Variants in PLEKHM1 observed in about 807,000 individuals in gnomAD.
The protein encoded by PLEKHM1 is pleckstrin homology and RUN domain containing M1, also known as pleckstrin homology domain-containing family M member 1.
A neutral mutation model predicts 94.3 loss-of-function variants in PLEKHM1; 28 were observed. The observed-to-expected ratio is 0.30, with a 90% confidence interval of 0.22 to 0.41. The LOEUF (loss-of-function observed/expected upper bound fraction) is 0.41, where lower values mean the gene tolerates loss of function less well. Among genes scored for constraint, PLEKHM1 ranks in the 10% least tolerant of loss-of-function variants. PLEKHM1 has a pLI of 1.00. For synonymous variants in PLEKHM1, 424 were observed against 581.2 expected (o/e 0.73, Z 3.89); for missense variants, 907 against 1,358.6 (o/e 0.67, Z 5.22).
intron 2 of PLEKHM1, among the ~76,000 whole-genome samples, chr17:45,479,222 A>T (rs918063464): frequency 3.9e-5 from 6 of 152,054 alleles, no homozygotes; most frequent in Non-Finnish European, 7.4e-5. Flanking sequence ...AAAAATGCAA[A>T]AATTAGCCAG....
chr17:45,473,715 C>A lies in PLEKHM1; in HGVS notation c.923+1385G>T, dbSNP rs367649597. Among the ~76,000 whole-genome samples the A allele has an allele frequency of 4.1e-4, 62 of 151,732 alleles. No homozygotes were observed. The East Asian group carries it at 7.9e-3, about 19-fold the overall frequency. On this transcript the variant is annotated intron_variant, in intron 4 of 11. Coordinates refer to ENST00000430334, the MANE Select transcript of PLEKHM1 (RefSeq NM_014798.3). ...CTGGGACTTCAGGCGCCCGCCACCA[C>A]GCCCGGCTAATTTTTTGTATTTTTA...
At chr17:45,441,088 T>C (rs932529064) in intron 9 of PLEKHM1, 3 of 152,194 alleles carry the variant, frequency 2.0e-5, no homozygotes, top group African/African-American at 7.2e-5. Flanking sequence ...CCCATCCTGA[T>C]GGGGAGGAAA....
intron 9 of PLEKHM1, 107 bp from the exon 10 acceptor site, chr17:45,440,333 C>G (rs766477714): frequency 2.6e-6 from 3 of 1,148,756 alleles, no homozygotes; most frequent in East Asian, 2.4e-5. Flanking sequence ...AGACACCCCC[C>G]GCCTGGGCGG....
At chr17:45,439,305 G>A (rs1281110003) in intron 11 of PLEKHM1, among the ~76,000 whole-genome samples, 172 bp downstream of exon 11, 3 of 152,344 alleles carry the variant, frequency 2.0e-5, no homozygotes, top group East Asian at 3.9e-4. Flanking sequence ...GGCCATGACT[G>A]CCCAGAGCAT....
chr17:45,475,929 C>G, intron 3 of PLEKHM1: 1 of 650,364 alleles, frequency 1.5e-6, no homozygotes, highest in Middle Eastern at 3.9e-4. Context: ...AGGTGGATCA[C>G]TTGAGCTCAG....
At chr17:45,483,191 G>A (rs1441471840) in intron 1 of PLEKHM1, among the ~76,000 whole-genome samples, 4 of 152,130 alleles carry the variant, frequency 2.6e-5, no homozygotes. Context: ...CCACTAACCA[G>A]GTAGGCATGC....
chr17:45,483,811 C>T (rs564105034), intron 1 of PLEKHM1, among the ~76,000 whole-genome samples: 10 of 152,178 alleles, frequency 6.6e-5, no homozygotes, highest in African/African-American at 2.4e-4. Context: ...GGCTGATAAG[C>T]GGCCTGACTC....
chr17:45,462,508 C>T (rs1597962388), intron 5 of PLEKHM1, among the ~76,000 whole-genome samples: 2 of 152,122 alleles, frequency 1.3e-5, no homozygotes, highest in South Asian at 4.2e-4. Context: ...CATCCATCGC[C>T]TCTGCCTGGA....
In PLEKHM1 at chr17:45,444,017, C is replaced by T. The variant is rs2050526379; in HGVS notation, c.2837+1453G>A. On this transcript the variant is annotated intron_variant, in intron 9 of 11. Coordinates refer to ENST00000430334, the MANE Select transcript of PLEKHM1 (RefSeq NM_014798.3). The surrounding 1 kb of genome is among the most constrained non-coding windows in gnomAD (Gnocchi z 5.0). ...CTGTGGGGCCAAATTCTCCTCTCTGCCTAGGGGAGAGCCCCCTGCAGTACC... is the reference window on the plus strand; with the variant it reads ...CTGTGGGGCCAAATTCTCCTCTCTGTCTAGGGGAGAGCCCCCTGCAGTACC... Among the ~76,000 whole-genome samples, 1 of 152,158 alleles carries T rather than the reference C, an allele frequency of 6.6e-6. No individual in the cohort carries two copies. Among genetic ancestry groups the T allele is most frequent in the Admixed American group, 6.5e-5 (1 of 15,286 alleles).
intron 4 of PLEKHM1, among the ~76,000 whole-genome samples, chr17:45,473,512 C>T (rs1382132243): frequency 1.3e-5 from 2 of 151,962 alleles, no homozygotes; most frequent in Non-Finnish European, 2.9e-5. Flanking sequence ...GTATATACTG[C>T]CTTTGTAGGA....
At position 45,436,102 on chromosome 17, in the gene PLEKHM1, C is replaced by T. The variant is rs1461647626; in HGVS notation, c.*1756G>A. On this transcript the variant is annotated 3_prime_UTR_variant, in exon 12 of 12. Transcript: ENST00000430334. ...GGAAGAGTCAATGCATCTGAAAGCA[C>T]TGGCAGCTTCTGGGGAACGGGCCCC... The T allele has an allele frequency of 8.8e-6, 4 of 456,394 alleles. No individual in the cohort carries two copies. The highest frequency in any genetic ancestry group is 2.3e-5 in the Admixed American group (1 of 42,574). The allele number at this position is 456,394 out of a possible 1,614,324, so 28.3% of individuals were successfully genotyped here.
At chr17:45,449,947 C>A (rs549838494) in intron 8 of PLEKHM1, among the ~76,000 whole-genome samples, 48 of 146,716 alleles carry the variant, frequency 3.3e-4, no homozygotes, top group African/African-American at 9.1e-4. Flanking sequence ...TCCACCTACC[C>A]ATCCACCCAC....
intron 5 of PLEKHM1, among the ~76,000 whole-genome samples, chr17:45,463,085 CAAAA>C (rs1290103977): frequency 6.3e-5 from 6 of 95,604 alleles, no homozygotes; most frequent in Admixed American, 2.3e-4. Flanking sequence ...GAGTCTGTGT[CAAAA>C]AAAAAAAAAA....
rs1469776891 is a variant in PLEKHM1 at position 45,437,699 on chromosome 17, C to T, written c.*159G>A. On this transcript the variant is annotated 3_prime_UTR_variant, in exon 12 of 12. Transcript: ENST00000430334. The surrounding 1 kb of genome is among the most constrained non-coding windows in gnomAD (Gnocchi z 4.0). The stretch of plus-strand genomic sequence containing the variant: ...GGGGACACCACGGGGACTTCCTGGG[C>T]TTTCTCTGGGAGGCCGGTGCTCTGG... 1.4e-6 allele frequency: 1 copy of T among 716,638 alleles called. No individual in the cohort carries two copies. Among genetic ancestry groups the T allele is most frequent in the South Asian group, 1.5e-5 (1 of 67,614 alleles). The allele number at this position is 716,638 out of a possible 1,614,324, so 44.4% of individuals were successfully genotyped here.
chr17:45,454,093 G>T lies in PLEKHM1; in HGVS notation c.1759C>A (p.Pro587Thr). Residue 587 changes from proline to threonine, a missense_variant, in exon 7 of 12, where the codon CCA (proline) becomes ACA (threonine). Pro to Thr is a conservative substitution (Grantham distance 38). Around this residue, in one of 3 missense-constraint regions of PLEKHM1, gnomAD observed 477 missense variants for 601.5 expected, o/e 0.79. Transcript: ENST00000430334. ...CSLLRCESVG[P>T]AHSDGRFELV... Reference sequence around the variant, plus strand: ...TCAAAGCGCCCATCACTATGGGCTGGCCCCACAGACTCACAGCGAAGCAGC... The same window carrying T: ...TCAAAGCGCCCATCACTATGGGCTGTCCCCACAGACTCACAGCGAAGCAGC... The T allele has an allele frequency of 1.9e-6, 3 of 1,614,208 alleles. No individual in the cohort carries two copies. The highest frequency in any genetic ancestry group is 2.5e-6 in the Non-Finnish European group (3 of 1,180,048).
intron 10 of PLEKHM1, 137 bp from the exon 11 acceptor site, chr17:45,439,771 T>G: frequency 8.7e-7 from 1 of 1,149,532 alleles, no homozygotes; most frequent in Non-Finnish European, 1.3e-6. Flanking sequence ...TACCCCCCGT[T>G]TCCACACGGG....
At chr17:45,472,378 G>A (rs560409467) in intron 4 of PLEKHM1, among the ~76,000 whole-genome samples, 107 of 152,170 alleles carry the variant, frequency 7.0e-4, no homozygotes, top group African/African-American at 2.5e-3. Flanking sequence ...CATAATAGCC[G>A]GGACAACACT....
chr17:45,437,760 C>T lies in PLEKHM1; in HGVS notation c.*98G>A. ...GGGTCTTCCTGACAAGGGGACACAG[C>T]TGTGACACGGTGAGTATCCTGGGCT... is the stretch of plus-strand genomic sequence containing the variant. On this transcript the variant is annotated 3_prime_UTR_variant, in exon 12 of 12. Coordinates refer to ENST00000430334, the MANE Select transcript of PLEKHM1 (RefSeq NM_014798.3). The surrounding 1 kb of genome is among the most constrained non-coding windows in gnomAD (Gnocchi z 4.0). 2 of 934,334 alleles carry T rather than the reference C, an allele frequency of 2.1e-6. No individual in the cohort carries two copies. The highest frequency in any genetic ancestry group is 3.5e-6 in the Non-Finnish European group (2 of 568,574). The allele number at this position is 934,334 out of a possible 1,614,324, so 57.9% of individuals were successfully genotyped here. A position where few individuals can be genotyped will look rare whatever the true frequency, so the allele number is the denominator to read the frequency against.
chr17:45,447,999 C>T (rs62065379), intron 8 of PLEKHM1: 18,201 of 152,002 alleles, frequency 0.12, 1,507 homozygotes, highest in Middle Eastern at 0.21. Flanking sequence ...GGTTTCTCCA[C>T]GTTGGTCAGG....
Sources: allele counts gnomAD v4.1 joint callset (sites outside exome capture counted in the v4.1 genomes callset), GRCh38; gene constraint gnomAD v4.1.1; regional missense constraint gnomAD v4.1.1; non-coding constraint Gnocchi (gnomAD v3.1); transcripts MANE v1.5; gene names NCBI Gene and HGNC (gene_info 2026-07-23, HGNC 2026-07-21).